The following TET3 variants were observed in gnomAD, a reference collection of about 807,000 sequenced individuals.
TET3 encodes the protein tet methylcytosine dioxygenase 3, also known as methylcytosine dioxygenase TET3.
In TET3, 19 loss-of-function variants were observed where a neutral mutation model predicts 141.4. That is an observed-to-expected ratio of 0.13 (90% CI 0.09 to 0.20). TET3 has a LOEUF of 0.20. TET3 is among the 10% of genes least tolerant of loss of function. The probability of loss-of-function intolerance (pLI) is 1.00; values close to 1 mark genes in which losing one functional copy is unlikely to be tolerated. For missense variants in TET3, 1,874 were observed against 2,356.9 expected, an observed-to-expected ratio of 0.80 and a Z score of 4.24; for synonymous variants, 1,043 against 980.9, an observed-to-expected ratio of 1.06 and a Z score of -1.18.
chr2:74,129,478 CA>C, the TET3 span, among the ~76,000 whole-genome samples: 1 of 149,020 alleles, frequency 6.7e-6, no homozygotes, highest in African/African-American at 2.5e-5. Context: ...ACAAAAAACG[CA>C]AAAATTAGCC....
chr2:74,046,745 C>T lies in TET3; in HGVS notation c.828C>T (p.Gly276=). ...GMKPPNCNCD[G]PECPDYLEWL... ...AACCACCCAACTGCAACTGCGATGG[C>T]CCAGAATGCCCTGACTACCTCGAGT... is the stretch of plus-strand genomic sequence containing the variant. Residue 276 remains glycine, a synonymous_variant, in exon 4 of 12, where the codon GGC becomes GGT. Coordinates refer to ENST00000409262, the MANE Select transcript of TET3 (RefSeq NM_001287491.2). This position sits in a 1 kb window ranked among gnomAD's most constrained non-coding sequence, Gnocchi z 4.3. The T allele has an allele frequency of 6.2e-7, 1 of 1,613,886 alleles. No individual in the cohort carries two copies. Among genetic ancestry groups the T allele is most frequent in the Non-Finnish European group, 8.5e-7 (1 of 1,179,888 alleles).
rs1687740732 is a variant in TET3 at position 74,048,021 on chromosome 2, C to T, written c.2104C>T (p.Pro702Ser). 6.2e-7 allele frequency: 1 copy of T among 1,609,160 alleles called. No homozygotes were observed. Among genetic ancestry groups the T allele is most frequent in the Non-Finnish European group, 8.5e-7 (1 of 1,177,518 alleles). The change falls in exon 4 of 12, where the codon CCT becomes TCT. Residue 702 changes from proline (P) to serine (S), a missense_variant. Transcript: ENST00000409262. The part of the protein sequence containing the change: ...LQPGSTGPLP[P>S]ADDKLEELIR... ...GCCAGGCTCCACTGGCCCTCTTCCC[C>T]CTGCCGATGACAAGCTGGAAGAGCT...
At chr2:74,085,150 CAAA>C (rs112733988) in intron 6 of TET3, among the ~76,000 whole-genome samples, 4 of 119,520 alleles carry the variant, frequency 3.3e-5, no homozygotes, top group Non-Finnish European at 5.6e-5. Context: ...TTTTCCACAG[CAAA>C]AAAAAAAAAA....
intron 3 of TET3, among the ~76,000 whole-genome samples, chr2:74,015,925 C>T (rs891895003): frequency 1.3e-5 from 2 of 151,992 alleles, no homozygotes; most frequent in African/African-American, 2.4e-5. Flanking sequence ...TGTTTTAAAA[C>T]GTTAGCCATT....
the TET3 span, among the ~76,000 whole-genome samples, chr2:74,128,992 TAAAAAAAAAAAA>T: frequency 1.3e-5 from 1 of 77,934 alleles, no homozygotes; most frequent in African/African-American, 5.9e-5. Flanking sequence ...TGTCTCAATT[TAAAAAAAAAAAA>T]AAAAAAAAAA....
At position 74,059,347 on chromosome 2, in the gene TET3, G is replaced by A. The variant is rs559630742; in HGVS notation, c.2494+10936G>A. ...GGCTTACTGCAACCTTCGCCTCCCC[G>A]GTTCAGGTGATTCTCCTGGCTCAGA... On this transcript the variant is annotated intron_variant, in intron 4 of 11. Transcript: ENST00000409262. Among the ~76,000 whole-genome samples the A allele has an allele frequency of 3.9e-5, 6 of 152,274 alleles. No individual in the cohort carries two copies. In the South Asian group the frequency reaches 6.2e-4, roughly 16 times the overall value.
rs935155197 is a variant in TET3 at position 74,010,298 on chromosome 2, T to TG, written c.360+7138dup. ...CCTTCCAGATGCTGCCGCCTCCATG[T>TG]GGGGGGTGTTGCTCCCCGCTGGGTC... On this transcript the variant is annotated intron_variant, in intron 3 of 11. Coordinates refer to ENST00000409262, the MANE Select transcript of TET3 (RefSeq NM_001287491.2). 2.0e-5 allele frequency among the ~76,000 whole-genome samples: 3 copies of TG among 152,160 alleles called. No homozygotes were observed. The East Asian group carries it at 5.8e-4, about 29-fold the overall frequency.
In TET3 at chr2:74,105,158, AAAAT is replaced by A. The variant is rs1380158497; in HGVS notation, c.*2986_*2989del. ...AACAGACATTTTTATCATGAGAAGAAAAATAAAGCCATTGCAACTAAAGAACCTA... is the reference window on the plus strand; with the variant it reads ...AACAGACATTTTTATCATGAGAAGAAAAAGCCATTGCAACTAAAGAACCTA... On this transcript the variant is annotated 3_prime_UTR_variant, in exon 12 of 12. Coordinates refer to ENST00000409262, the MANE Select transcript of TET3 (RefSeq NM_001287491.2). The A allele has an allele frequency of 1.8e-5, 7 of 398,506 alleles. No individual in the cohort carries two copies. The highest frequency in any genetic ancestry group is 3.6e-5 in the East Asian group (1 of 28,098). The allele number at this position is 398,506 out of a possible 1,614,324, so 24.7% of individuals were successfully genotyped here.
In TET3 at chr2:74,048,188, C is replaced by T; in HGVS notation, c.2271C>T (p.Ile757=). The T allele has an allele frequency of 6.2e-7, 1 of 1,612,698 alleles. No individual in the cohort carries two copies. The highest frequency in any genetic ancestry group is 8.5e-7 in the Non-Finnish European group (1 of 1,179,326). The part of the protein sequence containing the change: ...SPFATRSPKQ[I]KIESSGAVTV... Reference sequence around the variant, plus strand: ...TTGCTACCCGTTCCCCCAAGCAAATCAAGATTGAGTCTTCGGGGGCTGTGA... The same window carrying T: ...TTGCTACCCGTTCCCCCAAGCAAATTAAGATTGAGTCTTCGGGGGCTGTGA... The change falls in exon 4 of 12, where the codon ATC becomes ATT. Residue 757 remains isoleucine, a synonymous_variant. Coordinates refer to ENST00000409262, the MANE Select transcript of TET3 (RefSeq NM_001287491.2).
At chr2:74,110,064 G>T (rs1340567016), downstream of TET3, among the ~76,000 whole-genome samples, 2 of 152,106 alleles carry the variant, frequency 1.3e-5, no homozygotes, top group African/African-American at 4.8e-5. Flanking sequence ...AGGCATTCGG[G>T]ACATAGCAAG....
the TET3 span, among the ~76,000 whole-genome samples, chr2:74,127,000 G>A: frequency 6.6e-6 from 1 of 152,212 alleles, no homozygotes; most frequent in Non-Finnish European, 1.5e-5. Context: ...ACCAAGTCCA[G>A]TGTTTAATGG....
chr2:74,055,049 C>A (rs1688141642), intron 4 of TET3, among the ~76,000 whole-genome samples: 1 of 152,072 alleles, frequency 6.6e-6, no homozygotes, highest in Non-Finnish European at 1.5e-5. Context: ...GCATGCACCA[C>A]TATGCCTGGC....
At chr2:74,088,485 A>T (rs1057481391) in intron 7 of TET3, among the ~76,000 whole-genome samples, 4 of 151,626 alleles carry the variant, frequency 2.6e-5, no homozygotes, top group African/African-American at 4.8e-5. Context: ...TACTAAAAAT[A>T]AAAAAATTAG....
chr2:74,072,970 G>T lies in TET3; in HGVS notation c.2495-579G>T, dbSNP rs560538859. Among the ~76,000 whole-genome samples the T allele has an allele frequency of 3.0e-4, 45 of 152,270 alleles. No homozygotes were observed. The South Asian group carries it at 9.3e-3, about 32-fold the overall frequency. On this transcript the variant is annotated intron_variant, in intron 4 of 11. Coordinates refer to ENST00000409262, the MANE Select transcript of TET3 (RefSeq NM_001287491.2). Reference sequence around the variant, plus strand: ...GTAATATTCTGTCATGTGGACATACGCATTTTATGTATCCATCCACCTGCT... The same window carrying T: ...GTAATATTCTGTCATGTGGACATACTCATTTTATGTATCCATCCACCTGCT...
chr2:74,110,027 A>C (rs1008197714), downstream of TET3, among the ~76,000 whole-genome samples: 3 of 152,204 alleles, frequency 2.0e-5, no homozygotes, highest in African/African-American at 7.2e-5. Context: ...ATAAGGATAA[A>C]AAAATTGCTA....
chr2:73,992,357 A>G (rs969150407), intron 2 of TET3, among the ~76,000 whole-genome samples: 2 of 144,770 alleles, frequency 1.4e-5, no homozygotes, highest in Admixed American at 7.1e-5. Context: ...TCTGTTACCC[A>G]GGCTGGACTG....
intron 10 of TET3, among the ~76,000 whole-genome samples, chr2:74,094,274 G>A (rs1156485958): frequency 1.3e-5 from 2 of 152,182 alleles, no homozygotes; most frequent in Non-Finnish European, 2.9e-5. Context: ...AGTGCTCCAG[G>A]CAGAGGGACC....
chr2:74,022,846 G>T (rs1232937884), intron 3 of TET3, among the ~76,000 whole-genome samples: 4 of 151,914 alleles, frequency 2.6e-5, no homozygotes, highest in Non-Finnish European at 5.9e-5. Flanking sequence ...GCATGATCTT[G>T]GCTCACCGCA....
At chr2:74,126,500 A>ATT in the TET3 span, among the ~76,000 whole-genome samples, 5,597 of 120,858 alleles carry the variant, frequency 0.046, 395 homozygotes, top group African/African-American at 0.13. Flanking sequence ...TATTTGCTGG[A>ATT]TTTTTTTTTT....
Sources: gnomAD v4.1 joint callset for allele counts (sites outside exome capture counted in the v4.1 genomes callset) on GRCh38, gnomAD v4.1.1 for gene constraint, Gnocchi (gnomAD v3.1) non-coding constraint, MANE v1.5 for transcripts, NCBI Gene and HGNC (gene_info 2026-07-23, HGNC 2026-07-21) for gene names.